The following LYZL2 variants were observed in gnomAD, a reference collection of about 807,000 sequenced individuals.
The protein encoded by LYZL2 is lysozyme-like protein 2.
LYZL2 carries 13 observed loss-of-function variants against 17.1 expected under a neutral mutation model. The ratio of observed to expected loss-of-function variants is 0.76; its 90% CI spans 0.49 to 1.21. The LOEUF (loss-of-function observed/expected upper bound fraction) is 1.21. Among genes scored for constraint, LYZL2 ranks in the 50% most tolerant of loss-of-function variants. LYZL2 has a pLI of 0.00. For missense variants in LYZL2, 166 were observed against 189.2 expected, an observed-to-expected ratio of 0.88 and a Z score of 0.72; for synonymous variants, 63 against 74.4, an observed-to-expected ratio of 0.85 and a Z score of 0.79.
chr10:30,617,507 T>A (rs1191858768), intron 3 of LYZL2, among the ~76,000 whole-genome samples: 1 of 151,064 alleles, frequency 6.6e-6, no homozygotes, highest in Non-Finnish European at 1.5e-5. Context: ...AAAACCTGTC[T>A]CTACTAAAAA....
At chr10:30,608,721 A>C (rs1056329891), downstream of LYZL2, among the ~76,000 whole-genome samples, 5 of 152,214 alleles carry the variant, frequency 3.3e-5, no homozygotes, top group African/African-American at 1.2e-4. Flanking sequence ...GGAGCATATG[A>C]AATAATAAAC....
chr10:30,626,148 G>C lies in LYZL2; in HGVS notation c.255C>G (p.Arg85=), dbSNP rs147995367. ...AGTGGTTGTTCTCCTTCAGCTTTCC[G>C]CGTCTGCACCACGCGAAGCTGTTGA... ...FQINSFAWCR[R]GKLKENNHCH... The change falls in exon 3 of 5, where the codon CGC becomes CGG. Residue 85 remains arginine, a synonymous_variant. Transcript: ENST00000647634. 1.1e-4 allele frequency: 170 copies of C among 1,614,240 alleles called. No homozygotes were observed. The African/African-American group carries it at 1.9e-3, about 18-fold the overall frequency.
intron 3 of LYZL2, among the ~76,000 whole-genome samples, chr10:30,619,462 T>G (rs1838585316): frequency 6.6e-6 from 1 of 151,912 alleles, no homozygotes; most frequent in Non-Finnish European, 1.5e-5. Flanking sequence ...ATTAAGAAAA[T>G]GTGGCACATA....
At chr10:30,616,942 A>G (rs2497102) in intron 3 of LYZL2, among the ~76,000 whole-genome samples, 126,062 of 152,100 alleles carry the variant, frequency 0.83, 52,906 homozygotes, top group African/African-American at 0.92. Flanking sequence ...TACCTATGAG[A>G]TTATCCAAAC....
chr10:30,611,921 C>T lies in LYZL2; in HGVS notation c.*34G>A, dbSNP rs763701672. On this transcript the variant is annotated 3_prime_UTR_variant, in exon 5 of 5. Coordinates refer to ENST00000647634, the MANE Select transcript of LYZL2 (RefSeq NM_183058.3). ...TGGACATTCACTGCAAACCCTAGGG[C>T]GTTGCTGCAAAGCATCCTGGGTCCA... The T allele has an allele frequency of 6.2e-6, 10 of 1,614,112 alleles. No individual in the cohort carries two copies. In the East Asian group the frequency reaches 6.7e-5, roughly 11 times the overall value.
chr10:30,612,872 C>A lies in LYZL2; in HGVS notation c.327G>T (p.Ala109=). 1 of 1,613,832 alleles carries A rather than the reference C, an allele frequency of 6.2e-7. No homozygotes were observed. The highest frequency in any genetic ancestry group is 1.1e-5 in the South Asian group (1 of 91,056). The change falls in exon 4 of 5, where the codon GCG becomes GCT. Residue 109 remains alanine, a synonymous_variant. Coordinates refer to ENST00000647634, the MANE Select transcript of LYZL2 (RefSeq NM_183058.3). The part of the protein sequence containing the change: ...SALVTDDLTD[A]IICAKKIVKE... The stretch of plus-strand genomic sequence containing the variant: ...TAACAATTTTCTTGGCACAGATAAT[C>A]GCATCTGTGAGGTCATCAGTGACCA...
chr10:30,609,121 G>C (rs995742478), downstream of LYZL2, among the ~76,000 whole-genome samples: 2 of 152,232 alleles, frequency 1.3e-5, no homozygotes, highest in African/African-American at 4.8e-5. Context: ...TTACAGGCTT[G>C]AGTCATTGTG....
At chr10:30,615,020 T>C (rs1296952698) in intron 3 of LYZL2, among the ~76,000 whole-genome samples, 4 of 152,234 alleles carry the variant, frequency 2.6e-5, no homozygotes, top group Non-Finnish European at 5.9e-5. Flanking sequence ...TTTAATAATA[T>C]GGAGAAATGC....
chr10:30,608,767 C>T (rs548265814), downstream of LYZL2, among the ~76,000 whole-genome samples: 7 of 152,222 alleles, frequency 4.6e-5, no homozygotes, highest in South Asian at 6.2e-4. Context: ...GTTCTTAATG[C>T]GAGGTCTGAT....
intron 1 of LYZL2, among the ~76,000 whole-genome samples, chr10:30,627,281 G>C (rs1424881703): frequency 6.6e-6 from 1 of 151,756 alleles, no homozygotes; most frequent in African/African-American, 2.4e-5. Flanking sequence ...GAATACAGGG[G>C]TGAAACATTC....
At chr10:30,625,981 T>G (rs1348507015) in intron 3 of LYZL2, 124 bp downstream of exon 3, 11 of 1,438,268 alleles carry the variant, frequency 7.6e-6, no homozygotes, top group Middle Eastern at 2.5e-4. Context: ...TTACCAATCT[T>G]GAACAGACCT....
chr10:30,619,229 G>A (rs1489530027), intron 3 of LYZL2, among the ~76,000 whole-genome samples: 1 of 152,112 alleles, frequency 6.6e-6, no homozygotes, highest in Non-Finnish European at 1.5e-5. Context: ...ACTGTTGGTG[G>A]GACTGTAAAC....
intron 3 of LYZL2, among the ~76,000 whole-genome samples, chr10:30,620,814 A>G (rs75554641): frequency 0.11 from 17,157 of 152,170 alleles, 1,041 homozygotes; most frequent in South Asian, 0.18. Flanking sequence ...CAAATAAAAA[A>G]CACAGTATCT....
chr10:30,620,828 A>G (rs1838607588), intron 3 of LYZL2, among the ~76,000 whole-genome samples: 3 of 152,154 alleles, frequency 2.0e-5, no homozygotes, highest in African/African-American at 7.2e-5. Context: ...AGTATCTGAA[A>G]AGAAACATCC....
downstream of LYZL2, among the ~76,000 whole-genome samples, chr10:30,608,285 G>A (rs79756091): frequency 0.034 from 5,131 of 152,258 alleles, 130 homozygotes; most frequent in South Asian, 0.05. Context: ...TTTCTAGTTG[G>A]AAAAAGTAAC....
intron 3 of LYZL2, among the ~76,000 whole-genome samples, chr10:30,625,296 C>T (rs568760024): frequency 3.9e-5 from 6 of 152,182 alleles, no homozygotes; most frequent in South Asian, 2.1e-4. Flanking sequence ...TTTAATGACT[C>T]GGTATGTTGG....
chr10:30,616,434 C>T (rs1345918226), intron 3 of LYZL2, among the ~76,000 whole-genome samples: 1 of 152,204 alleles, frequency 6.6e-6, no homozygotes, highest in Non-Finnish European at 1.5e-5. Flanking sequence ...CCTATAATCC[C>T]AGCACTTTGG....
At chr10:30,628,705 G>T (rs1838758906) in intron 1 of LYZL2, among the ~76,000 whole-genome samples, 1 of 152,104 alleles carries the variant, frequency 6.6e-6, no homozygotes, top group Non-Finnish European at 1.5e-5. Context: ...CTGGATTCCT[G>T]CATTGAAAGG....
intron 3 of LYZL2, among the ~76,000 whole-genome samples, chr10:30,615,434 TG>T (rs1564407189): frequency 6.6e-6 from 1 of 152,198 alleles, no homozygotes; most frequent in African/African-American, 2.4e-5. Flanking sequence ...GAGGAAGGTC[TG>T]GGGGTCTAAG....
Sources: gnomAD v4.1 joint callset for allele counts (sites outside exome capture counted in the v4.1 genomes callset) on GRCh38, gnomAD v4.1.1 for gene constraint, MANE v1.5 for transcripts, NCBI Gene and HGNC (gene_info 2026-07-23, HGNC 2026-07-21) for gene names.